HACE1: variants seen among roughly 807,000 people sequenced by gnomAD.
The protein encoded by HACE1 is E3 ubiquitin-protein ligase HACE1.
HACE1 carries 73 observed loss-of-function variants against 118.4 expected under a neutral mutation model. The observed-to-expected ratio is 0.62, with a 90% CI of 0.51 to 0.75. The LOEUF (loss-of-function observed/expected upper bound fraction) is 0.75, where lower values mean the gene tolerates loss of function less well. Ranked by LOEUF, HACE1 falls within the 30% of genes least tolerant of loss-of-function variation. The pLI, the probability that HACE1 is intolerant of heterozygous loss-of-function variation, is 0.00. For missense variants in HACE1, 749 were observed against 1,102.2 expected (o/e 0.68, Z 4.54); for synonymous variants, 368 against 374.8 (o/e 0.98, Z 0.21).
intron 19 of HACE1, among the ~76,000 whole-genome samples, chr6:104,767,806 T>TA (rs766646092): frequency 6.6e-6 from 1 of 152,154 alleles, no homozygotes; most frequent in Non-Finnish European, 1.5e-5. Context: ...TTCCCATCCT[T>TA]ACTCCTACTC....
intron 19 of HACE1, among the ~76,000 whole-genome samples, chr6:104,764,555 T>C (rs528079156): frequency 6.6e-6 from 1 of 152,330 alleles, no homozygotes; most frequent in East Asian, 1.9e-4. Context: ...TAAACTAACA[T>C]GATTTCTTGT....
At chr6:104,857,737 C>A (rs886151683) in intron 1 of HACE1, among the ~76,000 whole-genome samples, 1 of 151,466 alleles carries the variant, frequency 6.6e-6, no homozygotes, top group African/African-American at 2.4e-5. Context: ...GCGGGCAGAT[C>A]ACGAGGTCAG....
intron 3 of HACE1, among the ~76,000 whole-genome samples, chr6:104,849,967 T>A (rs1248307211): frequency 2.4e-5 from 3 of 124,966 alleles, no homozygotes; most frequent in African/African-American, 8.1e-5. Context: ...TTTTTTTTTT[T>A]GAGACAGAGT....
intron 19 of HACE1, among the ~76,000 whole-genome samples, chr6:104,765,854 GA>G (rs2114675289): frequency 6.6e-6 from 1 of 152,290 alleles, no homozygotes; most frequent in Admixed American, 6.5e-5. Flanking sequence ...TTTTGGCACA[GA>G]ACGTCAACAG....
chr6:104,800,535 T>C (rs1047553562), intron 7 of HACE1, among the ~76,000 whole-genome samples: 1 of 151,994 alleles, frequency 6.6e-6, no homozygotes, highest in African/African-American at 2.4e-5. Flanking sequence ...CAGGCAGCAA[T>C]ATTTGCTGTT....
chr6:104,851,046 AC>A (rs1562511659), intron 2 of HACE1, 50 bp from the exon 3 acceptor site: 1 of 1,043,982 alleles, frequency 9.6e-7, no homozygotes, highest in Admixed American at 1.7e-5. Flanking sequence ...GTTTTTAAAA[AC>A]ATAATAAATC....
chr6:104,744,486 C>A lies in HACE1; in HGVS notation c.2442+26G>T, dbSNP rs201334598. 5 of 1,246,950 alleles carry A rather than the reference C, an allele frequency of 4.0e-6. No homozygotes were observed. In the African/African-American group the frequency reaches 5.9e-5, roughly 15 times the overall value. 77.2% of individuals were successfully genotyped at this position (1,246,950 alleles called of 1,614,324 possible). ...AAAATTAAACGGCAAAACTTAACTT[C>A]ATTCTAAGCTCTAGAGAAATTTTAC... is the stretch of plus-strand genomic sequence containing the variant. On this transcript the variant is annotated intron_variant, in intron 21 of 23. Transcript: ENST00000262903.
At chr6:104,808,862 C>A (rs1274332834) in intron 7 of HACE1, among the ~76,000 whole-genome samples, 1 of 152,138 alleles carries the variant, frequency 6.6e-6, no homozygotes, top group East Asian at 1.9e-4. Context: ...TATTCTTCTA[C>A]AACAATGATT....
intron 5 of HACE1, among the ~76,000 whole-genome samples, chr6:104,840,025 A>C (rs2115142100): frequency 6.6e-6 from 1 of 152,220 alleles, no homozygotes; most frequent in East Asian, 1.9e-4. Flanking sequence ...AAATAAAATA[A>C]AACTGAGGAA....
intron 7 of HACE1, among the ~76,000 whole-genome samples, chr6:104,803,667 C>G (rs574895303): frequency 1.3e-5 from 2 of 152,238 alleles, no homozygotes; most frequent in South Asian, 4.2e-4. Context: ...TTCAACAGCC[C>G]TTCATGCTAG....
At chr6:104,756,070 A>G (rs745334971) in intron 19 of HACE1, among the ~76,000 whole-genome samples, 3 of 152,096 alleles carry the variant, frequency 2.0e-5, no homozygotes, top group Non-Finnish European at 2.9e-5. Context: ...AGAATGAAGT[A>G]AACACAATCA....
Position 104,785,108 on chromosome 6 carries a change from T to G in HACE1, c.1286A>C (p.Asp429Ala), listed in dbSNP as rs370815931. ...GGCTTCCTGTCTCCCTGCAAGAGCA[T>G]CTGGTTTAGATTCCCTTGTGCCAGT... ...LSTGTRESKP[D>A]ALAGRQEASA... The change falls in exon 12 of 24, where the codon GAT becomes GCT. Residue 429 changes from aspartate to alanine, a missense_variant. Around this residue, in one of 5 missense-constraint regions of HACE1, gnomAD observed 267 missense variants for 312.2 expected, o/e 0.86. Transcript: ENST00000262903. The G allele has an allele frequency of 2.2e-5, 36 of 1,613,818 alleles. No homozygotes were observed. The highest frequency in any genetic ancestry group is 3.0e-5 in the Non-Finnish European group (35 of 1,179,874).
At chr6:104,833,308 T>C in intron 5 of HACE1, 135 bp from the exon 6 acceptor site, 1 of 800,242 alleles carries the variant, frequency 1.2e-6, no homozygotes, top group Admixed American at 1.9e-5. Context: ...ATGTAATGGT[T>C]TAAAACTAAA....
At chr6:104,787,004 C>T (rs1480815980) in intron 11 of HACE1, 1 of 152,220 alleles carries the variant, frequency 6.6e-6, no homozygotes, top group Non-Finnish European at 1.5e-5. Context: ...AATACCTTCA[C>T]TGCCACTTTC....
Position 104,843,220 on chromosome 6 carries a change from T to A in HACE1, c.402+3A>T. On this transcript the variant is annotated splice_donor_region_variant and intron_variant, in intron 5 of 23. Transcript: ENST00000262903. ...AACATCAGATGAAATTGATAGCACT[T>A]ACTGCTGTAAGGCCTTCATTATTAC... is the stretch of plus-strand genomic sequence containing the variant. 1 of 1,361,480 alleles carries A rather than the reference T, an allele frequency of 7.3e-7. No individual in the cohort carries two copies. The highest frequency in any genetic ancestry group is 1.1e-6 in the Non-Finnish European group (1 of 949,516). The allele number at this position is 1,361,480 out of a possible 1,614,324, so 84.3% of individuals were successfully genotyped here. A position where few individuals can be genotyped will look rare whatever the true frequency, so the allele number is the denominator to read the frequency against.
intron 22 of HACE1, among the ~76,000 whole-genome samples, chr6:104,733,579 G>T (rs571910331): frequency 1.3e-5 from 2 of 152,136 alleles, no homozygotes; most frequent in Non-Finnish European, 2.9e-5. Context: ...TTGGCCAGGC[G>T]CGGTGGCTCA....
chr6:104,820,093 G>T (rs1772536374), intron 6 of HACE1, among the ~76,000 whole-genome samples: 2 of 151,802 alleles, frequency 1.3e-5, no homozygotes, highest in African/African-American at 4.8e-5. Context: ...TACTCAGGAG[G>T]CTGGGGCAGA....
At chr6:104,828,858 A>T (rs926272100) in intron 6 of HACE1, among the ~76,000 whole-genome samples, 1 of 152,070 alleles carries the variant, frequency 6.6e-6, no homozygotes, top group African/African-American at 2.4e-5. Context: ...TTGTCATTGA[A>T]GCAAGAATAT....
chr6:104,797,081 G>A (rs1769737420), intron 7 of HACE1, 56 bp from the exon 8 acceptor site: 1 of 953,278 alleles, frequency 1.0e-6, no homozygotes, highest in Non-Finnish European at 1.7e-6. Flanking sequence ...CTTTCTCTAT[G>A]AATTATGGAT....
Sources: allele counts gnomAD v4.1 joint callset (sites outside exome capture counted in the v4.1 genomes callset), GRCh38; gene constraint gnomAD v4.1.1; regional missense constraint gnomAD v4.1.1; transcripts MANE v1.5; gene names NCBI Gene and HGNC (gene_info 2026-07-23, HGNC 2026-07-21).